MTMR3: variants seen among roughly 807,000 people sequenced by gnomAD.
MTMR3 encodes the protein myotubularin related protein 3, also known as phosphatidylinositol-3,5-bisphosphate 3-phosphatase MTMR3.
A neutral mutation model predicts 132.4 loss-of-function variants in MTMR3; 32 were observed. The observed-to-expected ratio is 0.24, with a 90% CI of 0.18 to 0.32. The LOEUF is 0.32. MTMR3 is among the 10% of genes least tolerant of loss of function. MTMR3 has a pLI of 1.00. For synonymous variants in MTMR3, 556 were observed against 550.3 expected (o/e 1.01, Z -0.14); for missense variants, 1,216 against 1,489.6 (o/e 0.82, Z 3.02).
At chr22:30,001,028 GGATT>G (rs2067160795) in intron 8 of MTMR3, 2 of 152,180 alleles carry the variant, frequency 1.3e-5, no homozygotes, top group Non-Finnish European at 2.9e-5. Context: ...CCAAGATAGA[GGATT>G]GATTAAGCCC....
intron 5 of MTMR3, chr22:29,987,684 TTCTC>T (rs2066885375): frequency 1.3e-5 from 2 of 152,244 alleles, no homozygotes; most frequent in Non-Finnish European, 2.9e-5. Context: ...TCTGTCTCCC[TTCTC>T]TCTATCTGCT....
chr22:29,931,364 G>C (rs1257707213), intron 1 of MTMR3, among the ~76,000 whole-genome samples: 4 of 152,164 alleles, frequency 2.6e-5, no homozygotes, highest in Non-Finnish European at 5.9e-5. Flanking sequence ...TTGAACAAAG[G>C]AGGACAACAT....
intron 1 of MTMR3, among the ~76,000 whole-genome samples, chr22:29,912,660 G>GTAA (rs1569001218): frequency 6.6e-6 from 1 of 152,156 alleles, no homozygotes; most frequent in African/African-American, 2.4e-5. Flanking sequence ...TTGCCTGGAG[G>GTAA]TAATGCATTA....
At chr22:29,936,441 C>G (rs2065752104) in intron 1 of MTMR3, among the ~76,000 whole-genome samples, 1 of 152,292 alleles carries the variant, frequency 6.6e-6, no homozygotes, top group Non-Finnish European at 1.5e-5. Context: ...GGCAAGTAGA[C>G]TTCTTCCTGC....
At chr22:30,019,224 T>C in intron 16 of MTMR3, 1 of 341,900 alleles carries the variant, frequency 2.9e-6, no homozygotes, top group Non-Finnish European at 5.3e-6. Context: ...AAAAAGAAAA[T>C]AGCACTTGCT....
intron 1 of MTMR3, among the ~76,000 whole-genome samples, chr22:29,902,380 G>T (rs2065017146): frequency 2.0e-5 from 3 of 150,586 alleles, no homozygotes; most frequent in Admixed American, 1.3e-4. Context: ...CTAAGTAGTA[G>T]AATGGTTATA....
At chr22:29,904,708 T>A (rs932912122) in intron 1 of MTMR3, among the ~76,000 whole-genome samples, 6 of 152,190 alleles carry the variant, frequency 3.9e-5, no homozygotes, top group Non-Finnish European at 8.8e-5. Context: ...TGTTAAGAGT[T>A]GAAAGACAAT....
intron 1 of MTMR3, among the ~76,000 whole-genome samples, chr22:29,895,804 A>G (rs2064882430): frequency 6.6e-6 from 1 of 152,042 alleles, no homozygotes; most frequent in African/African-American, 2.4e-5. Context: ...TTTTGGTGCA[A>G]GTTCGGCTTT....
At chr22:30,018,195 C>T (rs1569052791) in intron 16 of MTMR3, 123 bp downstream of exon 16, 1 of 1,141,142 alleles carries the variant, frequency 8.8e-7, no homozygotes, top group South Asian at 1.9e-5. Context: ...TCTTAGGTCT[C>T]TGCAGTTTTT....
intron 1 of MTMR3, among the ~76,000 whole-genome samples, chr22:29,884,461 A>G (rs12628395): frequency 0.095 from 14,307 of 150,946 alleles, 695 homozygotes; most frequent in Middle Eastern, 0.14. Context: ...AGGGCTGTTC[A>G]GTAGGACAGG....
At chr22:29,941,065 CTAGT>C (rs1420458917) in intron 1 of MTMR3, among the ~76,000 whole-genome samples, 1 of 150,010 alleles carries the variant, frequency 6.7e-6, no homozygotes, top group East Asian at 1.9e-4. Context: ...TGCACCGCTT[CTAGT>C]TAGTCTTTCT....
Position 29,906,322 on chromosome 22 carries a change from ATCTATCTATCTG to A in MTMR3, c.-138+22975_-138+22986del, listed in dbSNP as rs1209892543. On this transcript the variant is annotated intron_variant, in intron 1 of 19. Coordinates refer to ENST00000401950, the MANE Select transcript of MTMR3 (RefSeq NM_021090.4). Reference sequence around the variant, plus strand: ...TATCTATCTATCTATCTATCTATCTATCTATCTATCTGTCTATCTATCTATCTATGACGGAGT... The same window carrying A: ...TATCTATCTATCTATCTATCTATCTATCTATCTATCTATCTATGACGGAGT... Among the ~76,000 whole-genome samples, 557 of 137,688 alleles carry A rather than the reference ATCTATCTATCTG, an allele frequency of 4.0e-3. 8 individuals are homozygous for A. Among genetic ancestry groups the A allele is most frequent in the African/African-American group, 0.016 (519 of 33,256 alleles). 90.3% of individuals were successfully genotyped at this position (137,688 alleles called of 152,430 possible). A position where few individuals can be genotyped will look rare whatever the true frequency, so the allele number is the denominator to read the frequency against.
chr22:29,985,555 A>G (rs2066840363), intron 5 of MTMR3: 1 of 152,202 alleles, frequency 6.6e-6, no homozygotes, highest in East Asian at 1.9e-4. Flanking sequence ...CTGAAGGGAA[A>G]CACTGCAGTA....
At chr22:30,014,278 A>C (rs554523962) in intron 14 of MTMR3, 4 of 152,326 alleles carry the variant, frequency 2.6e-5, no homozygotes, top group African/African-American at 9.6e-5. Context: ...ATGACCAGTG[A>C]CCTTCATGCC....
At chr22:29,956,723 A>G (rs1250318564) in intron 1 of MTMR3, among the ~76,000 whole-genome samples, 1 of 152,302 alleles carries the variant, frequency 6.6e-6, no homozygotes, top group African/African-American at 2.4e-5. Context: ...CGATTTACCC[A>G]AGAAGCCACC....
intron 1 of MTMR3, among the ~76,000 whole-genome samples, chr22:29,908,216 C>T (rs987637765): frequency 1.3e-5 from 2 of 152,140 alleles, no homozygotes; most frequent in Non-Finnish European, 2.9e-5. Flanking sequence ...TGAGAACAGC[C>T]TTATAGTGAC....
intron 1 of MTMR3, among the ~76,000 whole-genome samples, chr22:29,956,618 G>A (rs1016429433): frequency 1.3e-5 from 2 of 152,160 alleles, no homozygotes; most frequent in African/African-American, 4.8e-5. Flanking sequence ...CTTGATAGAA[G>A]CCAATTATGT....
At chr22:29,957,816 A>C (rs953225996) in intron 2 of MTMR3, among the ~76,000 whole-genome samples, 1 of 152,128 alleles carries the variant, frequency 6.6e-6, no homozygotes, top group Non-Finnish European at 1.5e-5. Context: ...CAGTTATCCA[A>C]GGTCCAAAAG....
In MTMR3 at chr22:30,019,622, G is replaced by A. The variant is rs1455717257; in HGVS notation, c.1963G>A (p.Gly655Ser). The A allele has an allele frequency of 5.0e-6, 8 of 1,614,062 alleles. No homozygotes were observed. The highest frequency in any genetic ancestry group is 6.8e-6 in the Non-Finnish European group (8 of 1,180,046). Residue 655 changes from glycine (G) to serine (S), a missense_variant, in exon 17 of 20, where the codon GGC becomes AGC. This residue lies in a region of MTMR3 where 852 missense variants were observed against 852.0 expected (regional missense o/e 1.00). Transcript: ENST00000401950. ...CTCACTAGAGCTGAGCAGCCTGGCT[G>A]GCCCTGGAGAGGATCCCCTTTCTGC... ...RRSLELSSLA[G>S]PGEDPLSADS...
Sources: gnomAD v4.1 joint callset for allele counts (sites outside exome capture counted in the v4.1 genomes callset) on GRCh38, gnomAD v4.1.1 for gene constraint, gnomAD v4.1.1 regional missense constraint, MANE v1.5 for transcripts, NCBI Gene and HGNC (gene_info 2026-07-23, HGNC 2026-07-21) for gene names.